The following CNTNAP2 variants were observed in gnomAD, a reference collection of about 807,000 sequenced individuals.
CNTNAP2 encodes the protein contactin-associated protein-like 2.
A neutral mutation model predicts 155.2 loss-of-function variants in CNTNAP2; 98 were observed. The observed-to-expected ratio is 0.63, with a 90% CI of 0.54 to 0.75. The LOEUF is 0.75. Among genes scored for constraint, CNTNAP2 ranks in the 30% least tolerant of loss-of-function variants. The pLI, the probability that CNTNAP2 is intolerant of heterozygous loss-of-function variation, is 0.00. For missense variants in CNTNAP2, 1,727 were observed against 1,688.1 expected, an observed-to-expected ratio of 1.02 and a Z score of -0.40; for synonymous variants, 651 against 631.2, an observed-to-expected ratio of 1.03 and a Z score of -0.47.
At chr7:146,311,360 G>A (rs538008144) in intron 1 of CNTNAP2, among the ~76,000 whole-genome samples, 4 of 152,012 alleles carry the variant, frequency 2.6e-5, no homozygotes, top group African/African-American at 9.7e-5. Context: ...TCATTTCTAC[G>A]CCACAAATAC....
chr7:148,054,154 A>G (rs1259592082), intron 15 of CNTNAP2, among the ~76,000 whole-genome samples: 3 of 151,964 alleles, frequency 2.0e-5, no homozygotes, highest in African/African-American at 7.3e-5. Context: ...TTGTATTTTT[A>G]GTAGAGACAG....
At chr7:146,697,129 T>A (rs1800794986) in intron 1 of CNTNAP2, among the ~76,000 whole-genome samples, 2 of 152,188 alleles carry the variant, frequency 1.3e-5, no homozygotes, top group African/African-American at 2.4e-5. Context: ...CTTATTTCCC[T>A]TTGCAGTTAT....
chr7:146,683,191 G>A lies in CNTNAP2; in HGVS notation c.98-91080G>A, dbSNP rs138056972. On this transcript the variant is annotated intron_variant, in intron 1 of 23. Coordinates refer to ENST00000361727, the MANE Select transcript of CNTNAP2 (RefSeq NM_014141.6). ...TGGGATTACAGGCACCTGCCACCATGCCAGCTGATTTTTGTATTTTTAATA... is the reference window on the plus strand; with the variant it reads ...TGGGATTACAGGCACCTGCCACCATACCAGCTGATTTTTGTATTTTTAATA... Among the ~76,000 whole-genome samples, 321 of 152,164 alleles carry A rather than the reference G, an allele frequency of 2.1e-3. 3 individuals are homozygous for A. The highest frequency in any genetic ancestry group is 7.6e-3 in the African/African-American group (316 of 41,518).
chr7:148,220,647 A>G (rs1795731818), intron 19 of CNTNAP2, among the ~76,000 whole-genome samples: 1 of 150,472 alleles, frequency 6.6e-6, no homozygotes, highest in African/African-American at 2.4e-5. Flanking sequence ...AAAAAAAAGC[A>G]ATAATGTGAA....
intron 21 of CNTNAP2, among the ~76,000 whole-genome samples, chr7:148,317,465 G>C (rs568854412): frequency 1.3e-5 from 2 of 152,278 alleles, no homozygotes; most frequent in Admixed American, 1.3e-4. Context: ...GGAAGGCTGA[G>C]ATGGGAGGGC....
intron 4 of CNTNAP2, among the ~76,000 whole-genome samples, chr7:147,051,915 T>G (rs954284238): frequency 2.6e-5 from 4 of 152,162 alleles, no homozygotes; most frequent in Non-Finnish European, 5.9e-5. Context: ...TGAAATTTAA[T>G]TTCTGCCCAC....
chr7:148,220,545 G>A (rs1485641391), intron 19 of CNTNAP2, among the ~76,000 whole-genome samples: 1 of 151,956 alleles, frequency 6.6e-6, no homozygotes, highest in Admixed American at 6.6e-5. Flanking sequence ...TAATGATATG[G>A]GGAAATTTTA....
chr7:147,301,648 T>C (rs1794948802), intron 9 of CNTNAP2, among the ~76,000 whole-genome samples: 1 of 146,780 alleles, frequency 6.8e-6, no homozygotes, highest in Non-Finnish European at 1.5e-5. Context: ...GTGTGTGTTC[T>C]AGTTTTTAGA....
chr7:146,721,374 T>G, intron 1 of CNTNAP2, among the ~76,000 whole-genome samples: 1 of 105,176 alleles, frequency 9.5e-6, no homozygotes, highest in South Asian at 2.7e-4. Flanking sequence ...ATTCTATATA[T>G]ACATTCTATA....
rs1164021337 is a variant in CNTNAP2 at position 147,362,971 on chromosome 7, G to A, written c.1499-32638G>A. ...ATAACAATATATGCTTTATCAAAGA[G>A]TCTATTCAGTGATGACTGAATCAGA... is the stretch of plus-strand genomic sequence containing the variant. On this transcript the variant is annotated intron_variant, in intron 9 of 23. Coordinates refer to ENST00000361727, the MANE Select transcript of CNTNAP2 (RefSeq NM_014141.6). 2.0e-5 allele frequency among the ~76,000 whole-genome samples: 3 copies of A among 152,202 alleles called. No individual in the cohort carries two copies. In the East Asian group the frequency reaches 5.8e-4, roughly 29 times the overall value.
At chr7:148,244,273 C>A (rs760309103) in intron 20 of CNTNAP2, among the ~76,000 whole-genome samples, 6 of 152,128 alleles carry the variant, frequency 3.9e-5, no homozygotes, top group Non-Finnish European at 8.8e-5. Flanking sequence ...GACAAGCAAA[C>A]TTAGCTGCTT....
At chr7:147,933,061 GTTT>G (rs1800534507) in intron 14 of CNTNAP2, among the ~76,000 whole-genome samples, 4 of 5,180 alleles carry the variant, frequency 7.7e-4, no homozygotes, top group Non-Finnish European at 2.8e-3. Context: ...GAGGGGGTTT[GTTT>G]GTTTGTTTGT....
chr7:148,257,980 T>C (rs559166404), intron 20 of CNTNAP2, among the ~76,000 whole-genome samples: 14 of 152,208 alleles, frequency 9.2e-5, no homozygotes, highest in African/African-American at 3.1e-4. Flanking sequence ...TACACGAACA[T>C]GGCTCAGCCA....
intron 11 of CNTNAP2, among the ~76,000 whole-genome samples, chr7:147,507,512 G>A (rs1798927241): frequency 1.3e-5 from 2 of 149,424 alleles, no homozygotes; most frequent in South Asian, 2.1e-4. Context: ...ATATAAATGG[G>A]ACATCTATAT....
chr7:146,251,346 A>T (rs116037907), intron 1 of CNTNAP2, among the ~76,000 whole-genome samples: 2 of 152,192 alleles, frequency 1.3e-5, no homozygotes, highest in Non-Finnish European at 2.9e-5. Flanking sequence ...ACCAAATTTA[A>T]TAATGTCACC....
chr7:147,048,617 C>T (rs1017625346), intron 4 of CNTNAP2, among the ~76,000 whole-genome samples: 1 of 152,122 alleles, frequency 6.6e-6, no homozygotes, highest in African/African-American at 2.4e-5. Context: ...TAGATGTTGT[C>T]AATATGCTCT....
Position 146,801,620 on chromosome 7 carries a change from T to C in CNTNAP2, c.208+27239T>C, listed in dbSNP as rs191194049. Among the ~76,000 whole-genome samples, 675 of 152,258 alleles carry C rather than the reference T, an allele frequency of 4.4e-3. 2 individuals are homozygous for C. The highest frequency in any genetic ancestry group is 7.6e-3 in the Non-Finnish European group (515 of 68,012). On this transcript the variant is annotated intron_variant, in intron 2 of 23. Coordinates refer to ENST00000361727, the MANE Select transcript of CNTNAP2 (RefSeq NM_014141.6). ...AAAAAGTTGGTTAGATCCAGAAATA[T>C]GGTGGGTTCTTTGTGAATGCCATAA...
At chr7:146,942,507 G>A (rs532434850) in intron 3 of CNTNAP2, among the ~76,000 whole-genome samples, 1 of 152,172 alleles carries the variant, frequency 6.6e-6, no homozygotes, top group African/African-American at 2.4e-5. Flanking sequence ...CAAAATGATT[G>A]TAACTGTTAT....
chr7:146,504,181 T>C (rs557373854), intron 1 of CNTNAP2, among the ~76,000 whole-genome samples: 1 of 152,298 alleles, frequency 6.6e-6, no homozygotes, highest in African/African-American at 2.4e-5. Flanking sequence ...GGAGTTCTCC[T>C]AGCAGGGAGA....
Sources: allele counts gnomAD v4.1 joint callset (sites outside exome capture counted in the v4.1 genomes callset), GRCh38; gene constraint gnomAD v4.1.1; transcripts MANE v1.5; gene names NCBI Gene and HGNC (gene_info 2026-07-23, HGNC 2026-07-21).